The following PPP3CA variants were observed in gnomAD, a reference collection of about 807,000 sequenced individuals.
PPP3CA encodes the protein protein phosphatase 3 catalytic subunit alpha.
Under a neutral mutation model 66.5 loss-of-function variants are expected in PPP3CA, and 14 were observed. The ratio of observed to expected loss-of-function variants is 0.21; its 90% confidence interval spans 0.14 to 0.33. The LOEUF is 0.33. Ranked by LOEUF, PPP3CA falls within the 10% of genes least tolerant of loss-of-function variation. PPP3CA has a pLI of 1.00. For missense variants in PPP3CA, 317 were observed against 639.5 expected, an observed-to-expected ratio of 0.50 and a Z score of 5.44; for synonymous variants, 232 against 226.2, an observed-to-expected ratio of 1.03 and a Z score of -0.23.
intron 2 of PPP3CA, among the ~76,000 whole-genome samples, chr4:101,182,418 T>C (rs1433203793): frequency 2.6e-5 from 4 of 152,092 alleles, no homozygotes; most frequent in African/African-American, 9.7e-5. Context: ...CCAGAAGACG[T>C]AGGACCTGAG....
chr4:101,182,993 T>C (rs570141485), intron 2 of PPP3CA, among the ~76,000 whole-genome samples: 27 of 152,294 alleles, frequency 1.8e-4, no homozygotes, highest in Admixed American at 9.8e-4. Context: ...TAAACCTCTT[T>C]CTTTTGTAAA....
intron 6 of PPP3CA, among the ~76,000 whole-genome samples, chr4:101,092,130 T>C (rs1729980741): frequency 6.6e-6 from 1 of 151,880 alleles, no homozygotes; most frequent in Non-Finnish European, 1.5e-5. Context: ...TGTTATAAAA[T>C]GTCATGTAAT....
intron 1 of PPP3CA, among the ~76,000 whole-genome samples, chr4:101,252,984 G>A (rs953570721): frequency 1.3e-5 from 2 of 152,140 alleles, no homozygotes; most frequent in Non-Finnish European, 2.9e-5. Flanking sequence ...CAGAGAAAAC[G>A]ACTCATTGAG....
At chr4:101,284,659 C>CT (rs967694599) in intron 1 of PPP3CA, among the ~76,000 whole-genome samples, 32 of 149,166 alleles carry the variant, frequency 2.1e-4, no homozygotes, top group African/African-American at 6.2e-4. Context: ...ACCCCCATGT[C>CT]TTTTTTTTTT....
At chr4:101,187,925 C>T (rs1240056446) in intron 2 of PPP3CA, among the ~76,000 whole-genome samples, 4 of 152,052 alleles carry the variant, frequency 2.6e-5, no homozygotes, top group African/African-American at 4.8e-5. Flanking sequence ...GAAACACAAA[C>T]GATCCTTTGT....
At chr4:101,076,019 C>G (rs1459936612) in intron 8 of PPP3CA, among the ~76,000 whole-genome samples, 1 of 152,112 alleles carries the variant, frequency 6.6e-6, no homozygotes, top group African/African-American at 2.4e-5. Flanking sequence ...TAGTTAAAAT[C>G]ACTTTTACAG....
intron 1 of PPP3CA, among the ~76,000 whole-genome samples, chr4:101,308,093 C>A (rs1728603564): frequency 1.3e-5 from 2 of 152,268 alleles, no homozygotes; most frequent in African/African-American, 4.8e-5. Flanking sequence ...TTTAACAGTA[C>A]ACTTTATAAT....
At chr4:101,036,476 A>G (rs1395587280) in intron 11 of PPP3CA, among the ~76,000 whole-genome samples, 1 of 151,592 alleles carries the variant, frequency 6.6e-6, no homozygotes, top group Non-Finnish European at 1.5e-5. Flanking sequence ...CAGTGGCGCA[A>G]TCTCGGCTCA....
chr4:101,341,030 T>A (rs1040313717), intron 1 of PPP3CA, among the ~76,000 whole-genome samples: 2 of 152,198 alleles, frequency 1.3e-5, no homozygotes, highest in African/African-American at 4.8e-5. Context: ...AAGGTCAGAC[T>A]AAATTATAAT....
At chr4:101,345,775 C>T (rs1297227683) in intron 1 of PPP3CA, among the ~76,000 whole-genome samples, 1 of 152,166 alleles carries the variant, frequency 6.6e-6, no homozygotes, top group Non-Finnish European at 1.5e-5. Context: ...CTCAGTGCAT[C>T]CTTGCCAGGA....
chr4:101,221,419 A>G (rs564755234), intron 1 of PPP3CA, among the ~76,000 whole-genome samples: 21 of 149,770 alleles, frequency 1.4e-4, no homozygotes, highest in Non-Finnish European at 3.0e-4. Context: ...GACATATTCT[A>G]GGTCATATCA....
intron 2 of PPP3CA, among the ~76,000 whole-genome samples, chr4:101,153,131 G>A (rs989342335): frequency 6.6e-6 from 1 of 152,148 alleles, no homozygotes; most frequent in African/African-American, 2.4e-5. Context: ...TGAAGTGGTA[G>A]GACGGTAAAG....
At chr4:101,108,737 C>G (rs1013562454) in intron 3 of PPP3CA, among the ~76,000 whole-genome samples, 1 of 152,174 alleles carries the variant, frequency 6.6e-6, no homozygotes, top group Non-Finnish European at 1.5e-5. Context: ...CCACTGCACT[C>G]CAGCCTGGGC....
At chr4:101,216,743 G>C (rs1725469790) in intron 1 of PPP3CA, among the ~76,000 whole-genome samples, 1 of 151,840 alleles carries the variant, frequency 6.6e-6, no homozygotes, top group Non-Finnish European at 1.5e-5. Flanking sequence ...TAGAGATGAG[G>C]CTTCACAATG....
chr4:101,313,001 T>G (rs1728775135), intron 1 of PPP3CA, among the ~76,000 whole-genome samples: 1 of 152,172 alleles, frequency 6.6e-6, no homozygotes, highest in African/African-American at 2.4e-5. Context: ...GTACAAAATC[T>G]TATTTCTTCT....
rs544793812 is a variant in PPP3CA, at chr4:101,330,676, A to G, written c.58+16063T>C. 4.6e-5 allele frequency among the ~76,000 whole-genome samples: 7 copies of G among 152,258 alleles called. No homozygotes were observed. In the South Asian group the frequency reaches 1.5e-3, roughly 32 times the overall value. On this transcript the variant is annotated intron_variant, in intron 1 of 13. Coordinates refer to ENST00000394854, the MANE Select transcript of PPP3CA (RefSeq NM_000944.5). ...TCTGGAATATCTCCAAACCGACAATATCTCCAAAATATGCCTGTATAAAGC... is the reference window on the plus strand; with the variant it reads ...TCTGGAATATCTCCAAACCGACAATGTCTCCAAAATATGCCTGTATAAAGC...
At chr4:101,293,895 G>A (rs911775883) in intron 1 of PPP3CA, among the ~76,000 whole-genome samples, 1 of 152,102 alleles carries the variant, frequency 6.6e-6, no homozygotes, top group African/African-American at 2.4e-5. Context: ...CATGAGGGCA[G>A]AGACAATATC....
At chr4:101,112,925 G>A (rs1391086407) in intron 2 of PPP3CA, among the ~76,000 whole-genome samples, 1 of 152,060 alleles carries the variant, frequency 6.6e-6, no homozygotes, top group East Asian at 1.9e-4. Context: ...AGGCACACAA[G>A]AAACACCTGC....
rs1560605272 is a variant in PPP3CA, at chr4:101,106,468, A to AGAAGAGAAGAGAAGAGAAGAGAAG, written c.384+2485_384+2486insCTTCTCTTCTCTTCTCTTCTCTTC. On this transcript the variant is annotated intron_variant, in intron 3 of 13. Coordinates refer to ENST00000394854, the MANE Select transcript of PPP3CA (RefSeq NM_000944.5). The stretch of plus-strand genomic sequence containing the variant: ...AAGAAAGAAAGAGAAAAGAAAAGAA[A>AGAAGAGAAGAGAAGAGAAGAGAAG]AGAAAAGAAAAGAAAAGAAAAGAAA... Among the ~76,000 whole-genome samples the AGAAGAGAAGAGAAGAGAAGAGAAG allele has an allele frequency of 8.7e-5, 4 of 46,134 alleles. 1 individual carries two copies. The highest frequency in any genetic ancestry group is 3.9e-4 in the African/African-American group (2 of 5,082). The allele number at this position is 46,134 out of a possible 152,430, so 30.3% of individuals were successfully genotyped here. A position where few individuals can be genotyped will look rare whatever the true frequency, so the allele number is the denominator to read the frequency against.
Sources: allele counts gnomAD v4.1 joint callset (sites outside exome capture counted in the v4.1 genomes callset), GRCh38; gene constraint gnomAD v4.1.1; transcripts MANE v1.5; gene names NCBI Gene and HGNC (gene_info 2026-07-23, HGNC 2026-07-21).